Variants in PTPRE observed in about 807,000 individuals in gnomAD.
PTPRE encodes the protein protein tyrosine phosphatase receptor type E.
PTPRE carries 51 observed loss-of-function variants against 102.0 expected under a neutral mutation model. The ratio of observed to expected loss-of-function variants is 0.50; its 90% CI spans 0.40 to 0.63. PTPRE has a LOEUF of 0.63. PTPRE is among the 30% of genes least tolerant of loss of function. The pLI is 0.00. For synonymous variants in PTPRE, 345 were observed against 348.2 expected (o/e 0.99, Z 0.10); for missense variants, 752 against 915.1 (o/e 0.82, Z 2.30).
chr10:128,082,972 T>G lies in PTPRE; in HGVS notation c.*66T>G. On this transcript the variant is annotated 3_prime_UTR_variant, in exon 21 of 21. Transcript: ENST00000254667. ...ATATTTTGTAAAAATCATGTTAATT[T>G]ATTTCATAGTTGACATTAATATCTT... The G allele has an allele frequency of 7.3e-7, 1 of 1,373,880 alleles. No individual in the cohort carries two copies. The highest frequency in any genetic ancestry group is 9.6e-7 in the Non-Finnish European group (1 of 1,038,100). The allele number at this position is 1,373,880 out of a possible 1,614,324, so 85.1% of individuals were successfully genotyped here.
At chr10:127,913,068 G>A (rs1190445934) in intron 1 of PTPRE, among the ~76,000 whole-genome samples, 4 of 152,212 alleles carry the variant, frequency 2.6e-5, no homozygotes, top group Admixed American at 1.3e-4. Context: ...ACAAGGCAAG[G>A]GACTTCCCCT....
chr10:128,078,680 G>C (rs1564977428), intron 19 of PTPRE, among the ~76,000 whole-genome samples: 1 of 152,210 alleles, frequency 6.6e-6, no homozygotes, highest in Non-Finnish European at 1.5e-5. Context: ...CTGGCCAGTA[G>C]GTGGAGCACA....
intron 11 of PTPRE, among the ~76,000 whole-genome samples, chr10:128,067,506 A>ACATACATGCG (rs1207780648): frequency 6.6e-6 from 1 of 151,582 alleles, no homozygotes; most frequent in Non-Finnish European, 1.5e-5. Flanking sequence ...ATTCACCCAC[A>ACATACATGCG]CATACATGCG....
chr10:127,918,773 G>A (rs914263563), intron 1 of PTPRE, among the ~76,000 whole-genome samples: 4 of 150,478 alleles, frequency 2.7e-5, no homozygotes, highest in African/African-American at 9.7e-5. Flanking sequence ...AAGAGCAAAG[G>A]CAGGGCCTGC....
intron 2 of PTPRE, among the ~76,000 whole-genome samples, chr10:128,031,743 A>C (rs1846775600): frequency 6.6e-6 from 1 of 152,176 alleles, no homozygotes; most frequent in South Asian, 2.1e-4. Context: ...CAGGGCAGCA[A>C]AATGTGGATG....
intron 1 of PTPRE, among the ~76,000 whole-genome samples, chr10:127,974,246 C>A (rs1402283271): frequency 1.3e-5 from 2 of 152,220 alleles, no homozygotes; most frequent in African/African-American, 4.8e-5. Context: ...GCGTCCGGTC[C>A]TTACCTCCTT....
At chr10:128,049,839 A>C (rs148779650) in intron 6 of PTPRE, among the ~76,000 whole-genome samples, 173 bp downstream of exon 6, 1 of 152,254 alleles carries the variant, frequency 6.6e-6, no homozygotes, top group Non-Finnish European at 1.5e-5. Context: ...GCCCTTTGCC[A>C]ATGCTTATTT....
At chr10:127,956,749 G>A (rs529097328) in intron 1 of PTPRE, among the ~76,000 whole-genome samples, 78 of 152,122 alleles carry the variant, frequency 5.1e-4, no homozygotes, top group Admixed American at 7.9e-4. Flanking sequence ...TCAGTGTTCC[G>A]GATTTTGGCT....
At chr10:128,017,015 T>A (rs371313347) in intron 2 of PTPRE, among the ~76,000 whole-genome samples, 1 of 152,116 alleles carries the variant, frequency 6.6e-6, no homozygotes, top group Admixed American at 6.5e-5. Flanking sequence ...TCTTGGAAAG[T>A]GTAAGGCAGA....
At chr10:128,017,688 T>C (rs1010056864) in intron 2 of PTPRE, among the ~76,000 whole-genome samples, 5 of 152,226 alleles carry the variant, frequency 3.3e-5, no homozygotes, top group African/African-American at 1.2e-4. Flanking sequence ...AGATTTCCGG[T>C]GACCAGGACC....
chr10:128,023,266 T>G (rs1846051770), intron 2 of PTPRE, among the ~76,000 whole-genome samples: 1 of 152,048 alleles, frequency 6.6e-6, no homozygotes, highest in African/African-American at 2.4e-5. Flanking sequence ...ATATATACAT[T>G]ATATAGGAAA....
intron 17 of PTPRE, among the ~76,000 whole-genome samples, chr10:128,076,270 G>A (rs948514172): frequency 2.0e-5 from 3 of 152,094 alleles, no homozygotes; most frequent in Non-Finnish European, 4.4e-5. Flanking sequence ...GAAGAGCTGG[G>A]GGCACTCACA....
intron 1 of PTPRE, among the ~76,000 whole-genome samples, chr10:127,931,388 T>C (rs1387144940): frequency 6.6e-6 from 1 of 152,244 alleles, no homozygotes; most frequent in Non-Finnish European, 1.5e-5. Context: ...TTAAGAACCT[T>C]TGAAAGACAC....
rs182771254 is a variant in PTPRE, at chr10:128,014,990, G to C, written c.-7-25885G>C. 2.0e-5 allele frequency among the ~76,000 whole-genome samples: 3 copies of C among 152,148 alleles called. No homozygotes were observed. In the East Asian group the frequency reaches 5.8e-4, roughly 29 times the overall value. On this transcript the variant is annotated intron_variant, in intron 2 of 20. Transcript: ENST00000254667. ...AGTGCATGCCACACCCGGTCTTCCC[G>C]AGAGAAGACAGATCTCCAGACTTTC...
At chr10:128,067,471 C>A (rs945027303) in intron 11 of PTPRE, among the ~76,000 whole-genome samples, 9 of 152,164 alleles carry the variant, frequency 5.9e-5, no homozygotes, top group African/African-American at 2.2e-4. Flanking sequence ...CATGTGCACA[C>A]ATTCACACGT....
At chr10:128,047,656 A>G (rs777588129) in intron 4 of PTPRE, 108 bp from the exon 5 acceptor site, 23 of 1,614,082 alleles carry the variant, frequency 1.4e-5, no homozygotes, top group Non-Finnish European at 2.5e-6. Context: ...GCCATGAGCA[A>G]CAGGAGTAGC....
In PTPRE at chr10:128,066,131, G is replaced by T. The variant is rs774547181; in HGVS notation, c.780G>T (p.Arg260=). Residue 260 remains arginine (R), a synonymous_variant, in exon 11 of 21, where the codon CGG becomes CGT. Transcript: ENST00000254667. The part of the protein sequence containing the change: ...DQGCWTYGNI[R]VCVEDCVVLV... The stretch of plus-strand genomic sequence containing the variant: ...GCTGCTGGACCTATGGAAACATCCG[G>T]GTGTGCGTGGAGGACTGCGTGGTTT... 1.9e-6 allele frequency: 3 copies of T among 1,614,202 alleles called. No homozygotes were observed. Among genetic ancestry groups the T allele is most frequent in the Non-Finnish European group, 1.7e-6 (2 of 1,180,032 alleles).
chr10:127,929,965 G>A (rs913925734), intron 1 of PTPRE, among the ~76,000 whole-genome samples: 4 of 150,428 alleles, frequency 2.7e-5, no homozygotes, highest in Non-Finnish European at 5.9e-5. Context: ...GCTGAGGCAG[G>A]AGAATTGCTT....
intron 2 of PTPRE, chr10:127,999,629 C>T: frequency 1.0e-6 from 1 of 985,200 alleles, no homozygotes. Context: ...GCCTTTCTTA[C>T]TGACTGATTA....
Sources: gnomAD v4.1 joint callset for allele counts (sites outside exome capture counted in the v4.1 genomes callset) on GRCh38, gnomAD v4.1.1 for gene constraint, MANE v1.5 for transcripts, NCBI Gene and HGNC (gene_info 2026-07-23, HGNC 2026-07-21) for gene names.